Variants in NEK7 observed in about 807,000 individuals in gnomAD.
NEK7 encodes NIMA related kinase 7.
In NEK7, 18 loss-of-function variants were observed where a neutral mutation model predicts 44.6. The observed-to-expected ratio is 0.40, with a 90% CI of 0.28 to 0.60. The LOEUF is 0.60. Among genes scored for constraint, NEK7 ranks in the 20% least tolerant of loss-of-function variants. The pLI, the probability that NEK7 is intolerant of heterozygous loss-of-function variation, is 0.38. For missense variants in NEK7, 256 were observed against 366.5 expected (o/e 0.70, Z 2.46); for synonymous variants, 130 against 121.1 (o/e 1.07, Z -0.48).
At chr1:198,217,513 C>G (rs1558061196) in intron 1 of NEK7, among the ~76,000 whole-genome samples, 1 of 152,052 alleles carries the variant, frequency 6.6e-6, no homozygotes, top group African/African-American at 2.4e-5. Flanking sequence ...AGCATTCCCC[C>G]TAAGAACTGG....
At chr1:198,301,749 A>G (rs1359652150) in intron 9 of NEK7, among the ~76,000 whole-genome samples, 1 of 152,204 alleles carries the variant, frequency 6.6e-6, no homozygotes, top group Non-Finnish European at 1.5e-5. Flanking sequence ...CAATGCTTTG[A>G]GTGAAAAAGA....
At chr1:198,202,260 A>T (rs759320406) in intron 1 of NEK7, among the ~76,000 whole-genome samples, 5 of 145,786 alleles carry the variant, frequency 3.4e-5, no homozygotes, top group Non-Finnish European at 7.6e-5. Flanking sequence ...CAGGAATATT[A>T]AAAAAAAAAA....
intron 7 of NEK7, among the ~76,000 whole-genome samples, chr1:198,279,509 T>C (rs1654126645): frequency 6.6e-6 from 1 of 152,012 alleles, no homozygotes; most frequent in Admixed American, 6.6e-5. Context: ...GGAGATCATT[T>C]TTAAATTGAG....
intron 1 of NEK7, among the ~76,000 whole-genome samples, chr1:198,211,521 G>GGATTT (rs1161800566): frequency 1.3e-5 from 2 of 152,064 alleles, no homozygotes; most frequent in African/African-American, 4.8e-5. Context: ...TTATTTTGAG[G>GGATTT]TGTTTTAATA....
intron 3 of NEK7, among the ~76,000 whole-genome samples, chr1:198,254,769 T>A (rs560270973): frequency 1.4e-4 from 22 of 152,186 alleles, no homozygotes; most frequent in Non-Finnish European, 2.8e-4. Flanking sequence ...TGCACTGGTG[T>A]AAGTTTTCGC....
chr1:198,266,089 T>C (rs1379573798), intron 5 of NEK7, among the ~76,000 whole-genome samples: 1 of 152,112 alleles, frequency 6.6e-6, no homozygotes, highest in Non-Finnish European at 1.5e-5. Flanking sequence ...AATATAAGAA[T>C]ATATACTAAT....
At chr1:198,217,610 T>A (rs1030165544) in intron 1 of NEK7, among the ~76,000 whole-genome samples, 3 of 151,840 alleles carry the variant, frequency 2.0e-5, no homozygotes, top group African/African-American at 7.3e-5. Context: ...GAGACGGAAA[T>A]AAAGGACATC....
At chr1:198,317,574 A>C (rs899738674) in intron 9 of NEK7, among the ~76,000 whole-genome samples, 12 of 152,220 alleles carry the variant, frequency 7.9e-5, no homozygotes, top group African/African-American at 2.9e-4. Flanking sequence ...ATTCTACCCT[A>C]TTCTGAATTA....
chr1:198,170,080 C>T, intron 1 of NEK7, among the ~76,000 whole-genome samples: 1 of 151,638 alleles, frequency 6.6e-6, no homozygotes, highest in East Asian at 1.9e-4. Flanking sequence ...GCCCACAGAA[C>T]ATGGTATGAA....
intron 2 of NEK7, among the ~76,000 whole-genome samples, chr1:198,238,232 A>G (rs919908628): frequency 3.9e-5 from 6 of 151,970 alleles, no homozygotes; most frequent in African/African-American, 1.5e-4. Flanking sequence ...AACCCTCTCA[A>G]GTGGAGGCTA....
intron 9 of NEK7, among the ~76,000 whole-genome samples, chr1:198,315,205 C>T (rs1655324973): frequency 6.6e-6 from 1 of 152,150 alleles, no homozygotes; most frequent in Non-Finnish European, 1.5e-5. Context: ...TTTCCAGGTG[C>T]CGTCTGTCAC....
At chr1:198,245,717 G>T (rs1418505130) in intron 2 of NEK7, among the ~76,000 whole-genome samples, 1 of 151,980 alleles carries the variant, frequency 6.6e-6, no homozygotes, top group African/African-American at 2.4e-5. Context: ...AAACAAAGTG[G>T]GTTTTTACTT....
intron 9 of NEK7, among the ~76,000 whole-genome samples, chr1:198,314,055 C>T (rs558417734): frequency 3.3e-5 from 5 of 152,176 alleles, no homozygotes; most frequent in African/African-American, 1.2e-4. Context: ...TTCTCCCCGT[C>T]ACTTTCAGGT....
rs11389228 is a variant in NEK7 at position 198,209,153 on chromosome 1, C to CTTT, written c.-28-23387_-28-23385dup. Among the ~76,000 whole-genome samples the CTTT allele has an allele frequency of 2.4e-3, 335 of 137,286 alleles. 1 individual carries two copies. Among genetic ancestry groups the CTTT allele is most frequent in the South Asian group, 7.9e-3 (35 of 4,416 alleles). The allele number at this position is 137,286 out of a possible 152,430, so 90.1% of individuals were successfully genotyped here. A position where few individuals can be genotyped will look rare whatever the true frequency, so the allele number is the denominator to read the frequency against. On this transcript the variant is annotated intron_variant, in intron 1 of 9. Transcript: ENST00000367385. ...ACACATATGTATGTGTATATATATA[C>CTTT]TTTTTTTTTTTTTTTGGTAAAACTC...
At chr1:198,248,547 C>T (rs996631184) in intron 2 of NEK7, among the ~76,000 whole-genome samples, 3 of 152,158 alleles carry the variant, frequency 2.0e-5, no homozygotes, top group South Asian at 2.1e-4. Flanking sequence ...ATCTCTATTT[C>T]CCTAGCAGCC....
chr1:198,184,262 T>A (rs1478499044), intron 1 of NEK7, among the ~76,000 whole-genome samples: 1 of 152,176 alleles, frequency 6.6e-6, no homozygotes, highest in African/African-American at 2.4e-5. Flanking sequence ...TATGGAATGT[T>A]TCACCTATTC....
chr1:198,158,358 A>G (rs1663981943), intron 1 of NEK7, among the ~76,000 whole-genome samples: 1 of 152,234 alleles, frequency 6.6e-6, no homozygotes, highest in Non-Finnish European at 1.5e-5. Context: ...CATAGTTTGT[A>G]GAGCCTAATG....
chr1:198,245,106 A>G (rs1666799004), intron 2 of NEK7: 1 of 166,064 alleles, frequency 6.0e-6, no homozygotes, highest in South Asian at 2.1e-4. Flanking sequence ...TAAGAAAATC[A>G]TAAGGAAGAA....
At position 198,320,911 on chromosome 1, in the gene NEK7, TA is replaced by T; in HGVS notation, c.*1392del. Reference sequence around the variant, plus strand: ...GCTTAAGGAAATGGGCAGAATTTCGTAAATGCTGTTGTGCAGATGTGTTTTC... The same window carrying T: ...GCTTAAGGAAATGGGCAGAATTTCGTAATGCTGTTGTGCAGATGTGTTTTC... On this transcript the variant is annotated 3_prime_UTR_variant, in exon 10 of 10. Transcript: ENST00000367385. 1 of 152,334 alleles carries T rather than the reference TA, an allele frequency of 6.6e-6. No individual in the cohort carries two copies. The highest frequency in any genetic ancestry group is 1.5e-5 in the Non-Finnish European group (1 of 68,038). 9.4% of individuals were successfully genotyped at this position (152,334 alleles called of 1,614,324 possible).
Sources: allele counts gnomAD v4.1 joint callset (sites outside exome capture counted in the v4.1 genomes callset), GRCh38; gene constraint gnomAD v4.1.1; transcripts MANE v1.5; gene names NCBI Gene and HGNC (gene_info 2026-07-23, HGNC 2026-07-21).